Variants in CSMD1 observed in about 807,000 individuals in gnomAD.
CSMD1 encodes the protein CUB and Sushi multiple domains 1, also known as CUB and sushi domain-containing protein 1.
CSMD1 carries 213 observed loss-of-function variants against 417.5 expected under a neutral mutation model. The observed-to-expected ratio is 0.51, with a 90% CI of 0.46 to 0.57. CSMD1 has a LOEUF of 0.57. Ranked by LOEUF, CSMD1 falls within the 20% of genes least tolerant of loss-of-function variation. The pLI is 0.00. For missense variants in CSMD1, 6,923 were observed against 4,529.7 expected, an observed-to-expected ratio of 1.53 and a Z score of -15.17; for synonymous variants, 2,862 against 1,736.8, an observed-to-expected ratio of 1.65 and a Z score of -16.11.
intron 3 of CSMD1, among the ~76,000 whole-genome samples, chr8:4,308,729 T>C (rs1229751158): frequency 6.6e-6 from 1 of 152,208 alleles, no homozygotes. Flanking sequence ...GAGTAATTTA[T>C]CTGAGATGTG....
chr8:3,744,771 G>C (rs964886070), intron 6 of CSMD1, among the ~76,000 whole-genome samples: 3 of 151,986 alleles, frequency 2.0e-5, no homozygotes, highest in Non-Finnish European at 4.4e-5. Flanking sequence ...CTCAAGACTT[G>C]GTGTATATTT....
intron 5 of CSMD1, among the ~76,000 whole-genome samples, chr8:3,754,971 C>G (rs1303805919): frequency 3.9e-3 from 11 of 2,794 alleles, no homozygotes; most frequent in Non-Finnish European, 0.013. Context: ...GCAGTGCATT[C>G]ATTTTAAAAA....
chr8:4,417,609 T>C (rs533997328), intron 3 of CSMD1, among the ~76,000 whole-genome samples: 4 of 152,206 alleles, frequency 2.6e-5, no homozygotes, highest in Admixed American at 1.3e-4. Context: ...ATCAGTATTT[T>C]ATTCTATTAT....
At chr8:3,961,912 A>G (rs948218586) in intron 5 of CSMD1, among the ~76,000 whole-genome samples, 1 of 152,222 alleles carries the variant, frequency 6.6e-6, no homozygotes, top group Non-Finnish European at 1.5e-5. Context: ...TCATTGCTCA[A>G]AAACGAATGG....
intron 52 of CSMD1, among the ~76,000 whole-genome samples, chr8:3,008,161 C>G (rs73502880): frequency 0.012 from 1,838 of 152,238 alleles, 34 homozygotes; most frequent in African/African-American, 0.042. Context: ...GAGTATGTCG[C>G]AAGCAAAATG....
intron 3 of CSMD1, among the ~76,000 whole-genome samples, chr8:4,361,823 G>C (rs902794812): frequency 1.3e-5 from 2 of 151,950 alleles, no homozygotes; most frequent in African/African-American, 2.4e-5. Context: ...GGCGTGGTGC[G>C]GGGCGCCTGT....
chr8:3,332,549 G>C (rs778161286), intron 23 of CSMD1, among the ~76,000 whole-genome samples: 2 of 152,212 alleles, frequency 1.3e-5, no homozygotes, highest in Non-Finnish European at 2.9e-5. Flanking sequence ...TTTATTTGCA[G>C]ACAACAGATT....
At chr8:3,235,337 T>A (rs1799086322) in intron 26 of CSMD1, among the ~76,000 whole-genome samples, 1 of 152,218 alleles carries the variant, frequency 6.6e-6, no homozygotes, top group Non-Finnish European at 1.5e-5. Flanking sequence ...AAAAGATATA[T>A]AATACTCACT....
At chr8:4,326,389 G>T (rs541546998) in intron 3 of CSMD1, among the ~76,000 whole-genome samples, 15 of 152,268 alleles carry the variant, frequency 9.9e-5, no homozygotes, top group African/African-American at 3.6e-4. Context: ...GAGGCACTCA[G>T]ATTTTCAGCG....
intron 3 of CSMD1, among the ~76,000 whole-genome samples, chr8:4,244,757 G>C (rs1318666670): frequency 1.3e-5 from 2 of 152,048 alleles, no homozygotes; most frequent in Admixed American, 6.6e-5. Flanking sequence ...GAAGAGTTTT[G>C]CTACTTAAAG....
intron 30 of CSMD1, among the ~76,000 whole-genome samples, chr8:3,211,165 C>T (rs4319124): frequency 0.19 from 29,473 of 152,062 alleles, 2,919 homozygotes; most frequent in South Asian, 0.31. Context: ...CCACTACAGC[C>T]TCCCGAGTAG....
chr8:3,751,255 AAATGCCAAATT>A (rs1342084435), intron 6 of CSMD1, among the ~76,000 whole-genome samples: 1 of 151,560 alleles, frequency 6.6e-6, no homozygotes, highest in Non-Finnish European at 1.5e-5. Context: ...TTTTAGAATT[AAATGCCAAATT>A]TTTGACTCCT....
intron 3 of CSMD1, among the ~76,000 whole-genome samples, chr8:4,251,454 C>T (rs1202424614): frequency 2.0e-5 from 3 of 151,978 alleles, no homozygotes; most frequent in Non-Finnish European, 4.4e-5. Flanking sequence ...AATTAAGGCC[C>T]CTACACCATG....
chr8:4,267,447 TTAAA>T (rs1161426345), intron 3 of CSMD1, among the ~76,000 whole-genome samples: 3 of 44,636 alleles, frequency 6.7e-5, no homozygotes, highest in African/African-American at 1.1e-4. Flanking sequence ...TAAAAATAGT[TTAAA>T]TAATATATAA....
intron 8 of CSMD1, among the ~76,000 whole-genome samples, chr8:3,594,667 C>T (rs977022586): frequency 1.3e-5 from 2 of 152,192 alleles, no homozygotes; most frequent in Admixed American, 6.5e-5. Context: ...TCCCTTCTCT[C>T]ACTTCTGAGG....
At chr8:3,866,757 A>C (rs1316964422) in intron 5 of CSMD1, among the ~76,000 whole-genome samples, 1 of 152,136 alleles carries the variant, frequency 6.6e-6, no homozygotes, top group Non-Finnish European at 1.5e-5. Flanking sequence ...GATGGTACAA[A>C]CATATGCAAA....
In CSMD1 at chr8:4,394,291, A is replaced by G. The variant is rs112508307; in HGVS notation, c.415+25662T>C. Among the ~76,000 whole-genome samples, 505 of 152,264 alleles carry G rather than the reference A, an allele frequency of 3.3e-3. 1 individual carries two copies. The highest frequency in any genetic ancestry group is 0.012 in the African/African-American group (484 of 41,540). On this transcript the variant is annotated intron_variant, in intron 3 of 69. Coordinates refer to ENST00000635120, the MANE Select transcript of CSMD1 (RefSeq NM_033225.6). The stretch of plus-strand genomic sequence containing the variant: ...TTGACATATATAATGAAGTTGAGTA[A>G]AAATGTTTACCCTCCTATGTTTCAA...
chr8:3,349,859 TTATATAAATA>T (rs1466686570), intron 21 of CSMD1, among the ~76,000 whole-genome samples: 10 of 122,000 alleles, frequency 8.2e-5, no homozygotes, highest in African/African-American at 2.5e-4. Flanking sequence ...ATATATATAA[TTATATAAATA>T]TATTTATATC....
intron 2 of CSMD1, among the ~76,000 whole-genome samples, chr8:4,472,437 A>G (rs1395060536): frequency 6.6e-6 from 1 of 152,124 alleles, no homozygotes; most frequent in Non-Finnish European, 1.5e-5. Context: ...TGTCATTTAT[A>G]GACATATATT....
Sources: gnomAD v4.1 joint callset for allele counts (sites outside exome capture counted in the v4.1 genomes callset) on GRCh38, gnomAD v4.1.1 for gene constraint, MANE v1.5 for transcripts, NCBI Gene and HGNC (gene_info 2026-07-23, HGNC 2026-07-21) for gene names.